Variants in TRIQK observed in about 807,000 individuals in gnomAD.
The protein encoded by TRIQK is triple QxxK/R motif containing, also known as triple QxxK/R motif-containing protein.
A neutral mutation model predicts 10.8 loss-of-function variants in TRIQK; 10 were observed. That is an observed-to-expected ratio of 0.92 (90% CI 0.57 to 1.57). TRIQK has a LOEUF of 1.57. Among genes scored for constraint, TRIQK ranks in the 40% most tolerant of loss-of-function variants. The pLI, the probability that TRIQK is intolerant of heterozygous loss-of-function variation, is 0.00. For missense variants in TRIQK, 107 were observed against 97.7 expected, an observed-to-expected ratio of 1.09 and a Z score of -0.40; for synonymous variants, 33 against 33.7, an observed-to-expected ratio of 0.98 and a Z score of 0.07.
At chr8:92,919,755 C>T (rs138632830) in intron 2 of TRIQK, among the ~76,000 whole-genome samples, 1 of 151,846 alleles carries the variant, frequency 6.6e-6, no homozygotes, top group African/African-American at 2.4e-5. Flanking sequence ...AGCAATGAAT[C>T]TATCAGGTCC....
chr8:92,974,301 A>G lies in TRIQK; in HGVS notation c.-180-19737T>C, dbSNP rs1219068503. ...TATATCATCCAACTACGACAGCACA[A>G]AGTCTTCCGGAGTGAGCCTTGTACC... On this transcript the variant is annotated intron_variant, in intron 1 of 4. Coordinates refer to the TRIQK transcript ENST00000520686. The G allele has an allele frequency of 2.0e-5, 3 of 152,342 alleles. No individual in the cohort carries two copies. The East Asian group carries it at 5.8e-4, about 29-fold the overall frequency. The allele number at this position is 152,342 out of a possible 1,614,324, so 9.4% of individuals were successfully genotyped here.
At chr8:92,937,421 G>T (rs1283139404) in intron 2 of TRIQK, among the ~76,000 whole-genome samples, 1 of 151,764 alleles carries the variant, frequency 6.6e-6, no homozygotes, top group African/African-American at 2.4e-5. Flanking sequence ...TTTCTTGACA[G>T]TATATTGCTG....
At chr8:92,887,345 TAATAC>T (rs1156911174) in intron 4 of TRIQK, among the ~76,000 whole-genome samples, 2 of 151,536 alleles carry the variant, frequency 1.3e-5, no homozygotes, top group Non-Finnish European at 3.0e-5. Flanking sequence ...TCATGAAGCA[TAATAC>T]AATACATTTA....
At chr8:92,895,312 C>T (rs141611169) in intron 3 of TRIQK, among the ~76,000 whole-genome samples, 98 of 152,262 alleles carry the variant, frequency 6.4e-4, no homozygotes, top group African/African-American at 2.1e-3. Context: ...TTTGTTATAG[C>T]AGCACCAAAT....
chr8:92,906,392 G>A (rs1809258842), intron 3 of TRIQK, among the ~76,000 whole-genome samples: 3 of 152,060 alleles, frequency 2.0e-5, no homozygotes, highest in South Asian at 2.1e-4. Context: ...AAATTCCTGG[G>A]ACAACTCAAG....
At chr8:92,921,552 A>C (rs1425564303) in intron 2 of TRIQK, 1 of 151,728 alleles carries the variant, frequency 6.6e-6, no homozygotes, top group African/African-American at 2.4e-5. Flanking sequence ...AATGGAGATG[A>C]CCTCTAGGGT....
At chr8:92,992,337 G>C (rs1248588403) in intron 1 of TRIQK, among the ~76,000 whole-genome samples, 2 of 152,160 alleles carry the variant, frequency 1.3e-5, no homozygotes, top group Non-Finnish European at 2.9e-5. Context: ...CTGCCTCTGA[G>C]GACAGGGGAG....
chr8:92,962,341 C>T (rs184226685), intron 1 of TRIQK, among the ~76,000 whole-genome samples: 1 of 152,162 alleles, frequency 6.6e-6, no homozygotes, highest in African/African-American at 2.4e-5. Context: ...TACATATGCA[C>T]AAAGATTAAG....
chr8:92,936,903 T>C (rs779891252), intron 2 of TRIQK, among the ~76,000 whole-genome samples: 1 of 151,764 alleles, frequency 6.6e-6, no homozygotes, highest in South Asian at 2.1e-4. Flanking sequence ...TAAAAGTATA[T>C]GCATGACTAC....
intron 1 of TRIQK, among the ~76,000 whole-genome samples, chr8:93,006,313 G>A (rs1476781988): frequency 1.3e-5 from 2 of 152,174 alleles, no homozygotes; most frequent in East Asian, 3.9e-4. Context: ...AGAGAGTGAG[G>A]AAAAGCTGAG....
At chr8:92,999,409 T>C (rs1245601426) in intron 1 of TRIQK, among the ~76,000 whole-genome samples, 1 of 152,196 alleles carries the variant, frequency 6.6e-6, no homozygotes, top group African/African-American at 2.4e-5. Context: ...TCTCTGAACA[T>C]ATATACTAAT....
intron 2 of TRIQK, among the ~76,000 whole-genome samples, chr8:92,950,920 AG>A (rs1452114917): frequency 3.9e-5 from 6 of 152,142 alleles, no homozygotes; most frequent in Non-Finnish European, 8.8e-5. Flanking sequence ...GATTGGTTCC[AG>A]GACTCCTGTG....
intron 1 of TRIQK, among the ~76,000 whole-genome samples, chr8:92,976,830 G>T (rs1812935454): frequency 6.6e-6 from 1 of 151,678 alleles, no homozygotes; most frequent in Non-Finnish European, 1.5e-5. Flanking sequence ...TAATATAGCT[G>T]TTTAACTTAC....
At chr8:92,940,946 A>G (rs1195218239) in intron 2 of TRIQK, among the ~76,000 whole-genome samples, 1 of 152,252 alleles carries the variant, frequency 6.6e-6, no homozygotes, top group Non-Finnish European at 1.5e-5. Flanking sequence ...CCACAATGGT[A>G]TAAAACTAGA....
chr8:92,929,190 A>C (rs2130539251), intron 2 of TRIQK, among the ~76,000 whole-genome samples: 1 of 152,310 alleles, frequency 6.6e-6, no homozygotes, highest in South Asian at 2.1e-4. Context: ...ATTTTGAATA[A>C]GCACTTACTC....
chr8:92,988,815 C>T (rs1813065449), intron 1 of TRIQK, among the ~76,000 whole-genome samples: 1 of 152,112 alleles, frequency 6.6e-6, no homozygotes, highest in Non-Finnish European at 1.5e-5. Flanking sequence ...TCTTATTTAA[C>T]TTCTCAGACC....
chr8:92,991,036 A>G (rs1205875499), intron 1 of TRIQK, among the ~76,000 whole-genome samples: 2 of 152,108 alleles, frequency 1.3e-5, no homozygotes, highest in East Asian at 3.9e-4. Context: ...AGCAGTCTGA[A>G]GTTGACGAGG....
At chr8:92,982,930 T>G (rs1813000605) in intron 1 of TRIQK, among the ~76,000 whole-genome samples, 1 of 151,944 alleles carries the variant, frequency 6.6e-6, no homozygotes, top group Non-Finnish European at 1.5e-5. Context: ...GCTGGGTCTA[T>G]TCAATCTATA....
chr8:92,945,056 T>A (rs1360463290), intron 2 of TRIQK, among the ~76,000 whole-genome samples: 1 of 152,146 alleles, frequency 6.6e-6, no homozygotes, highest in African/African-American at 2.4e-5. Flanking sequence ...GTAGGTACTG[T>A]CAAAGGCATA....
Sources: gnomAD v4.1 joint callset for allele counts (sites outside exome capture counted in the v4.1 genomes callset) on GRCh38, gnomAD v4.1.1 for gene constraint, MANE v1.5 for transcripts, NCBI Gene and HGNC (gene_info 2026-07-23, HGNC 2026-07-21) for gene names.